The following WDFY4 variants were observed in gnomAD, a reference collection of about 807,000 sequenced individuals.
The protein encoded by WDFY4 is WDFY family member 4.
In WDFY4, 169 loss-of-function variants were observed where a neutral mutation model predicts 351.9. That is an observed-to-expected ratio of 0.48 (90% CI 0.42 to 0.55). The LOEUF (loss-of-function observed/expected upper bound fraction) is 0.55. Among genes scored for constraint, WDFY4 ranks in the 20% least tolerant of loss-of-function variants. WDFY4 has a pLI of 0.00. For synonymous variants in WDFY4, 1,622 were observed against 1,574.6 expected (o/e 1.03, Z -0.71); for missense variants, 3,803 against 3,935.6 (o/e 0.97, Z 0.90).
intron 2 of WDFY4, among the ~76,000 whole-genome samples, chr10:48,717,312 A>G (rs758610889): frequency 1.3e-5 from 2 of 152,232 alleles, no homozygotes; most frequent in African/African-American, 2.4e-5. Context: ...GTAATCCAAC[A>G]TTTTGGTTGT....
rs907181567 is a variant in WDFY4, at chr10:48,696,181, G to T, written c.-18+11180G>T. 5.1e-4 allele frequency among the ~76,000 whole-genome samples: 78 copies of T among 152,346 alleles called. 1 individual carries two copies. Among genetic ancestry groups the T allele is most frequent in the African/African-American group, 1.8e-3 (76 of 41,588 alleles). On this transcript the variant is annotated intron_variant, in intron 1 of 61. Coordinates refer to ENST00000325239, the MANE Select transcript of WDFY4 (RefSeq NM_001394531.1). ...CAGGCACACTCAGCCCTTGGCCCAGGTAAGAAGTGGGGACACTCGCTGACT... is the reference window on the plus strand; with the variant it reads ...CAGGCACACTCAGCCCTTGGCCCAGTTAAGAAGTGGGGACACTCGCTGACT...
At chr10:48,961,365 G>T (rs973030570) in intron 53 of WDFY4, among the ~76,000 whole-genome samples, 2 of 152,152 alleles carry the variant, frequency 1.3e-5, no homozygotes, top group African/African-American at 2.4e-5. Flanking sequence ...ATCTAAGCTG[G>T]ATAAAGATGT....
intron 58 of WDFY4, among the ~76,000 whole-genome samples, chr10:48,975,506 A>G (rs1842529041): frequency 1.3e-5 from 2 of 152,188 alleles, no homozygotes; most frequent in Non-Finnish European, 2.9e-5. Context: ...GTCATGGGAT[A>G]TGGGGTTCCC....
chr10:48,787,878 CT>C (rs879398522), intron 20 of WDFY4, among the ~76,000 whole-genome samples: 1,569 of 90,406 alleles, frequency 0.017, 63 homozygotes, highest in East Asian at 0.055. Context: ...TTTCTTCTTT[CT>C]TTCTTCTTCT....
intron 43 of WDFY4, among the ~76,000 whole-genome samples, chr10:48,886,638 C>A (rs569815044): frequency 1.4e-4 from 21 of 152,318 alleles, no homozygotes; most frequent in Admixed American, 5.2e-4. Flanking sequence ...GACTTCCTGT[C>A]CACCAGAACC....
At position 48,890,722 on chromosome 10, in the gene WDFY4, A is replaced by G. The variant is rs748367809; in HGVS notation, c.7311A>G (p.Leu2437=). 3 of 1,551,724 alleles carry G rather than the reference A, an allele frequency of 1.9e-6. No individual in the cohort carries two copies. In the South Asian group the frequency reaches 3.6e-5, roughly 18 times the overall value. ...TGDVYCTRHC[L]SNISDPFIFN... ...ATGTCTACTGTACCCGTCACTGCTT[A>G]TCCAAGTGAGTTATCCACTTCTCCC... The change falls in exon 44 of 62, where the codon TTA becomes TTG. Residue 2437 remains leucine (L), a synonymous_variant. Coordinates refer to ENST00000325239, the MANE Select transcript of WDFY4 (RefSeq NM_001394531.1).
At chr10:48,928,746 G>A (rs905041082) in intron 47 of WDFY4, among the ~76,000 whole-genome samples, 14 of 152,170 alleles carry the variant, frequency 9.2e-5, no homozygotes, top group Non-Finnish European at 1.6e-4. Context: ...AGGACAGCTC[G>A]CAGCCCTGTG....
chr10:48,889,819 AG>A, intron 43 of WDFY4, among the ~76,000 whole-genome samples: 1 of 152,242 alleles, frequency 6.6e-6, no homozygotes. Context: ...CAAAGACTTC[AG>A]CTGATTCCAG....
chr10:48,734,008 C>T lies in WDFY4; in HGVS notation c.1660C>T (p.Leu554Phe). Residue 554 changes from leucine to phenylalanine, a missense_variant, in exon 10 of 62, where the codon CTT becomes TTT. By Grantham distance (22) the Leu-to-Phe change is conservative. Coordinates refer to ENST00000325239, the MANE Select transcript of WDFY4 (RefSeq NM_001394531.1). ...TCVMLRIVVT[L>F]LKGSVRNAVV... Reference sequence around the variant, plus strand: ...TGTGATGCTGAGGATTGTAGTCACACTTCTGAAAGGCTCGGTGAGGAATGC... The same window carrying T: ...TGTGATGCTGAGGATTGTAGTCACATTTCTGAAAGGCTCGGTGAGGAATGC... 1 of 1,552,038 alleles carries T rather than the reference C, an allele frequency of 6.4e-7. No individual in the cohort carries two copies.
At chr10:48,903,648 A>G (rs573501173) in intron 47 of WDFY4, among the ~76,000 whole-genome samples, 1 of 152,182 alleles carries the variant, frequency 6.6e-6, no homozygotes, top group Admixed American at 6.5e-5. Context: ...TTAAATGAGG[A>G]TGATCAGAGA....
intron 47 of WDFY4, among the ~76,000 whole-genome samples, chr10:48,939,265 A>G (rs1266481207): frequency 2.0e-5 from 3 of 152,348 alleles, no homozygotes; most frequent in South Asian, 4.1e-4. Flanking sequence ...AACAATGTCA[A>G]CATCGCCAGG....
Position 48,969,089 on chromosome 10 carries a change from A to G in WDFY4, c.8610A>G (p.Ser2870=), listed in dbSNP as rs1842220138. The G allele has an allele frequency of 6.4e-7, 1 of 1,551,686 alleles. No homozygotes were observed. The highest frequency in any genetic ancestry group is 1.2e-5 in the South Asian group (1 of 84,074). ...ATATGTACCTCTTTTCTCTAGGCTC[A>G]GAGTCCCCCAAAGGGGCCATTGGCC... ...VKDMYLFSLG[S]ESPKGAIGHI... The change falls in exon 56 of 62, where the codon TCA becomes TCG. Residue 2870 remains serine, a synonymous_variant. Transcript: ENST00000325239.
intron 2 of WDFY4, among the ~76,000 whole-genome samples, chr10:48,710,646 T>C (rs945505678): frequency 6.6e-6 from 1 of 152,338 alleles, no homozygotes; most frequent in South Asian, 2.1e-4. Context: ...CACAGGTGGC[T>C]GGCAACCTCA....
At chr10:48,889,774 G>A (rs2671692) in intron 43 of WDFY4, among the ~76,000 whole-genome samples, 82,138 of 152,070 alleles carry the variant, frequency 0.54, 23,040 homozygotes, top group Non-Finnish European at 0.62. Context: ...GCAGGGCTGG[G>A]CCAGCGGAGA....
At position 48,971,652 on chromosome 10, in the gene WDFY4, C is replaced by T. The variant is rs142504440; in HGVS notation, c.8928+1363C>T. On this transcript the variant is annotated intron_variant, in intron 57 of 61. Transcript: ENST00000325239. ...TCAAGCCACTTCTGTCACCCTAGAC[C>T]GTGTCCTTGTCTCCTGGTGCCATGC... Among the ~76,000 whole-genome samples, 171 of 152,296 alleles carry T rather than the reference C, an allele frequency of 1.1e-3. 1 individual carries two copies. The highest frequency in any genetic ancestry group is 3.7e-3 in the African/African-American group (155 of 41,558).
rs118073560 is a variant in WDFY4, at chr10:48,728,572, C to T, written c.972-860C>T. Among the ~76,000 whole-genome samples, 46 of 152,342 alleles carry T rather than the reference C, an allele frequency of 3.0e-4. No individual in the cohort carries two copies. In the East Asian group the frequency reaches 5.2e-3, roughly 17 times the overall value. The stretch of plus-strand genomic sequence containing the variant: ...CAGAGCCAGGCTTTGAGCCTACATG[C>T]GGTGACTTGGACAAGGGGGCCAAAG... On this transcript the variant is annotated intron_variant, in intron 7 of 61. Coordinates refer to ENST00000325239, the MANE Select transcript of WDFY4 (RefSeq NM_001394531.1).
intron 25 of WDFY4, 112 bp from the exon 26 acceptor site, chr10:48,805,148 G>T (rs181952941): frequency 2.1e-5 from 26 of 1,226,512 alleles, no homozygotes; most frequent in Non-Finnish European, 2.9e-5. Flanking sequence ...GAGAGCATTG[G>T]AGTTAAGGGG....
At chr10:48,930,953 C>T (rs978627852) in intron 47 of WDFY4, among the ~76,000 whole-genome samples, 1 of 152,150 alleles carries the variant, frequency 6.6e-6, no homozygotes, top group Non-Finnish European at 1.5e-5. Context: ...AGCAACACTG[C>T]TCTCTGAAGG....
intron 1 of WDFY4, among the ~76,000 whole-genome samples, chr10:48,692,531 C>T (rs567178869): frequency 6.6e-6 from 1 of 152,300 alleles, no homozygotes; most frequent in East Asian, 1.9e-4. Flanking sequence ...AATTAAATGA[C>T]TGTAGCATTT....
Sources: gnomAD v4.1 joint callset for allele counts (sites outside exome capture counted in the v4.1 genomes callset) on GRCh38, gnomAD v4.1.1 for gene constraint, MANE v1.5 for transcripts, NCBI Gene and HGNC (gene_info 2026-07-23, HGNC 2026-07-21) for gene names.